The following NRIP2 variants were observed in gnomAD, a reference collection of about 807,000 sequenced individuals.
The protein encoded by NRIP2 is nuclear receptor interacting protein 2.
In NRIP2, 27 loss-of-function variants were observed where a neutral mutation model predicts 34.1. The ratio of observed to expected loss-of-function variants is 0.79; its 90% confidence interval spans 0.58 to 1.09. The LOEUF (loss-of-function observed/expected upper bound fraction) is 1.09, where lower values mean the gene tolerates loss of function less well. Ranked by LOEUF, NRIP2 falls within the 50% of genes least tolerant of loss-of-function variation. NRIP2 has a pLI of 0.00. For synonymous variants in NRIP2, 145 were observed against 146.9 expected (o/e 0.99, Z 0.09); for missense variants, 385 against 352.6 (o/e 1.09, Z -0.74).
rs914337839 is a variant in NRIP2, at chr12:2,829,050, GA to G, written c.496-637del. Among the ~76,000 whole-genome samples, 438 of 145,836 alleles carry G rather than the reference GA, an allele frequency of 3.0e-3. 1 individual carries two copies. Among genetic ancestry groups the G allele is most frequent in the Non-Finnish European group, 4.9e-3 (324 of 65,898 alleles). Reference sequence around the variant, plus strand: ...CTCTGTCTCTACAAAAAATAAAATGGAAAAAAAAAAAGTGGTTATATGTGAT... The same window carrying G: ...CTCTGTCTCTACAAAAAATAAAATGGAAAAAAAAAAGTGGTTATATGTGAT... On this transcript the variant is annotated intron_variant, in intron 2 of 5. Transcript: ENST00000337508.
chr12:2,830,670 G>T, intron 2 of NRIP2, 38 bp downstream of exon 2: 1 of 1,582,666 alleles, frequency 6.3e-7, no homozygotes, highest in Non-Finnish European at 8.6e-7. Flanking sequence ...GTGCAGGCAG[G>T]GTTGTTAATG....
At chr12:2,832,407 A>T (rs956169496) in intron 1 of NRIP2, among the ~76,000 whole-genome samples, 7 of 150,292 alleles carry the variant, frequency 4.7e-5, no homozygotes, top group African/African-American at 1.7e-4. Context: ...CCATGTCTTC[A>T]CTCCTCTCTC....
chr12:2,831,582 T>TA (rs1170327392), intron 1 of NRIP2, among the ~76,000 whole-genome samples: 2 of 149,296 alleles, frequency 1.3e-5, no homozygotes, highest in African/African-American at 5.0e-5. Flanking sequence ...AGACTCTGTC[T>TA]CAAAAAAAAA....
chr12:2,831,765 C>CT (rs2098004450), intron 1 of NRIP2, among the ~76,000 whole-genome samples: 1 of 151,768 alleles, frequency 6.6e-6, no homozygotes, highest in South Asian at 2.1e-4. Context: ...TCTTTTCTTT[C>CT]TTTTTCTTTT....
chr12:2,833,663 A>G (rs955445108), intron 1 of NRIP2, among the ~76,000 whole-genome samples: 7 of 152,060 alleles, frequency 4.6e-5, no homozygotes, highest in African/African-American at 1.7e-4. Flanking sequence ...TCTACAAAGG[A>G]TTTCCTCTCT....
chr12:2,834,502 G>T, intron 1 of NRIP2, 140 bp downstream of exon 1: 1 of 1,234,926 alleles, frequency 8.1e-7, no homozygotes, highest in Non-Finnish European at 1.1e-6. Flanking sequence ...GAGTTGGCAG[G>T]ATGACCTCTC....
intron 2 of NRIP2, 74 bp from the exon 3 acceptor site, chr12:2,828,488 A>G (rs1391096006): frequency 9.7e-6 from 11 of 1,136,162 alleles, no homozygotes; most frequent in Non-Finnish European, 1.4e-5. Flanking sequence ...TCAGTTTCCC[A>G]GCCCATTGAT....
intron 1 of NRIP2, among the ~76,000 whole-genome samples, chr12:2,831,160 T>G (rs1258825846): frequency 6.6e-6 from 1 of 152,046 alleles, no homozygotes; most frequent in East Asian, 1.9e-4. Flanking sequence ...ATTAGTATGC[T>G]TGGGGGAAGT....
In NRIP2 at chr12:2,830,853, CGCG is replaced by C; in HGVS notation, c.347_349del (p.Pro116del). 6.2e-7 allele frequency: 1 copy of C among 1,612,508 alleles called. No individual in the cohort carries two copies. The highest frequency in any genetic ancestry group is 1.1e-5 in the South Asian group (1 of 90,822). On this transcript the variant is annotated inframe_deletion, in exon 2 of 6. Coordinates refer to ENST00000337508, the MANE Select transcript of NRIP2 (RefSeq NM_031474.3). ...CACCAGGCGTCTTTGGATCACACTG[CGCG>C]GCTGCTGGCTCCATCACAAAACAAT...
Position 2,830,694 on chromosome 12 carries a change from G to A in NRIP2, c.495+14C>T, listed in dbSNP as rs2079094874. On this transcript the variant is annotated intron_variant, in intron 2 of 5. Coordinates refer to ENST00000337508, the MANE Select transcript of NRIP2 (RefSeq NM_031474.3). ...GGGTTGTTAATGAAAGTGTGTCCCT[G>A]GGAGGCCTCTCACCTTGCAGTTGAC... is the stretch of plus-strand genomic sequence containing the variant. 5.0e-6 allele frequency: 8 copies of A among 1,603,188 alleles called. 2 individuals are homozygous for A. In the Middle Eastern group the frequency reaches 1.3e-3, roughly 269 times the overall value.
rs1045555397 is a variant in NRIP2 at position 2,828,487 on chromosome 12, C to G, written c.496-73G>C. On this transcript the variant is annotated intron_variant, in intron 2 of 5. Coordinates refer to ENST00000337508, the MANE Select transcript of NRIP2 (RefSeq NM_031474.3). ...GTTGGAATTGGATCCTTCAGTTTCC[C>G]AGCCCATTGATGATTCCCTCCTAGA... 4.4e-6 allele frequency: 5 copies of G among 1,143,126 alleles called. No homozygotes were observed. The African/African-American group carries it at 7.8e-5, about 18-fold the overall frequency. 70.8% of individuals were successfully genotyped at this position (1,143,126 alleles called of 1,614,324 possible).
In NRIP2 at chr12:2,827,003, A is replaced by C. The variant is rs2153925561; in HGVS notation, c.*204T>G. ...CTGGCATCGTGGGCCCTCTAGTGAAAACTCGTCCTGGGGAGTAGGACAGCT... is the reference window on the plus strand; with the variant it reads ...CTGGCATCGTGGGCCCTCTAGTGAACACTCGTCCTGGGGAGTAGGACAGCT... On this transcript the variant is annotated 3_prime_UTR_variant, in exon 6 of 6. Coordinates refer to ENST00000337508, the MANE Select transcript of NRIP2 (RefSeq NM_031474.3). The surrounding 1 kb of genome is among the most constrained non-coding windows in gnomAD (Gnocchi z 4.0). The C allele has an allele frequency of 1.4e-6, 2 of 1,390,150 alleles. No individual in the cohort carries two copies. Among genetic ancestry groups the C allele is most frequent in the East Asian group, 5.7e-5 (2 of 35,120 alleles). The allele number at this position is 1,390,150 out of a possible 1,614,324, so 86.1% of individuals were successfully genotyped here. A position where few individuals can be genotyped will look rare whatever the true frequency, so the allele number is the denominator to read the frequency against.
chr12:2,831,989 C>T (rs1040571577), intron 1 of NRIP2, among the ~76,000 whole-genome samples: 2 of 152,106 alleles, frequency 1.3e-5, no homozygotes, highest in Admixed American at 1.3e-4. Flanking sequence ...AACCTGTCTC[C>T]AGACCTGTTA....
chr12:2,832,855 T>G (rs2098010474), intron 1 of NRIP2, among the ~76,000 whole-genome samples: 1 of 150,994 alleles, frequency 6.6e-6, no homozygotes, highest in South Asian at 2.1e-4. Context: ...TTTTCTACCC[T>G]TAGATTAATG....
chr12:2,834,774 C>T lies in NRIP2; in HGVS notation c.210G>A (p.Glu70=), dbSNP rs1421523914. Residue 70 remains glutamate (E), a synonymous_variant, in exon 1 of 6, where the codon GAG becomes GAA. Coordinates refer to ENST00000337508, the MANE Select transcript of NRIP2 (RefSeq NM_031474.3). Reference sequence around the variant, plus strand: ...GGTGGGCTCGGTCTCGAAGCTGTGCCTCCTGCCCCCTCGTCCTGGCTTCTC... The same window carrying T: ...GGTGGGCTCGGTCTCGAAGCTGTGCTTCCTGCCCCCTCGTCCTGGCTTCTC... ...DEGEARTRGQ[E]AQLRDRAHLS... is the part of the protein sequence containing the mutation. 1.2e-6 allele frequency: 2 copies of T among 1,613,878 alleles called. No homozygotes were observed. The highest frequency in any genetic ancestry group is 1.7e-6 in the Non-Finnish European group (2 of 1,179,972).
At position 2,827,977 on chromosome 12, in the gene NRIP2, A is replaced by G. The variant is rs1252548776; in HGVS notation, c.649T>C (p.Leu217=). ...APGPPTQVEQ[L]ELQLGQETVV... ...GTCTCCTGCCCCAGCTGTAGCTCCA[A>G]CTGCTCCACCTGGGTTGGGGGCCCA... The change falls in exon 4 of 6, where the codon TTG becomes CTG. Residue 217 remains leucine, a synonymous_variant. Transcript: ENST00000337508. This position sits in a 1 kb window ranked among gnomAD's most constrained non-coding sequence, Gnocchi z 4.0. The G allele has an allele frequency of 2.2e-5, 35 of 1,614,160 alleles. No homozygotes were observed. The highest frequency in any genetic ancestry group is 2.9e-5 in the Non-Finnish European group (34 of 1,180,030).
chr12:2,834,402 G>C (rs559055184), intron 1 of NRIP2, among the ~76,000 whole-genome samples: 6 of 152,262 alleles, frequency 3.9e-5, no homozygotes, highest in Admixed American at 3.3e-4. Context: ...CAAGTTTGGG[G>C]CCATTAGAGG....
At position 2,830,640 on chromosome 12, in the gene NRIP2, AAGG is replaced by A. The variant is rs2153926095; in HGVS notation, c.495+65_495+67del. Reference sequence around the variant, plus strand: ...CCCTCTCCCATCAGGGCAGAGCAGAAAGGAGAGCAGGTGAAGTGAGTGCAGGCA... The same window carrying A: ...CCCTCTCCCATCAGGGCAGAGCAGAAAGAGCAGGTGAAGTGAGTGCAGGCA... On this transcript the variant is annotated intron_variant, in intron 2 of 5. Transcript: ENST00000337508. The A allele has an allele frequency of 3.3e-6, 5 of 1,501,312 alleles. No homozygotes were observed. The South Asian group carries it at 5.2e-5, about 15-fold the overall frequency. The allele number at this position is 1,501,312 out of a possible 1,614,324, so 93.0% of individuals were successfully genotyped here. A position where few individuals can be genotyped will look rare whatever the true frequency, so the allele number is the denominator to read the frequency against.
intron 1 of NRIP2, among the ~76,000 whole-genome samples, chr12:2,834,421 A>T (rs1565434834): frequency 6.6e-6 from 1 of 152,162 alleles, no homozygotes; most frequent in Non-Finnish European, 1.5e-5. Context: ...GGAAAAAGGG[A>T]AGCCAAGCAA....
Sources: gnomAD v4.1 joint callset for allele counts (sites outside exome capture counted in the v4.1 genomes callset) on GRCh38, gnomAD v4.1.1 for gene constraint, Gnocchi (gnomAD v3.1) non-coding constraint, MANE v1.5 for transcripts, NCBI Gene and HGNC (gene_info 2026-07-23, HGNC 2026-07-21) for gene names.